Variants in PIK3CB observed in about 807,000 individuals in gnomAD.
PIK3CB encodes phosphatidylinositol 4,5-bisphosphate 3-kinase catalytic subunit beta isoform.
A neutral mutation model predicts 136.8 loss-of-function variants in PIK3CB; 39 were observed. That is an observed-to-expected ratio of 0.29 (90% CI 0.22 to 0.37). The LOEUF (loss-of-function observed/expected upper bound fraction) is 0.37. PIK3CB is among the 10% of genes least tolerant of loss of function. PIK3CB has a pLI of 1.00. For missense variants in PIK3CB, 868 were observed against 1,275.4 expected (o/e 0.68, Z 4.87); for synonymous variants, 428 against 436.6 (o/e 0.98, Z 0.25).
rs2046110982 is a variant in PIK3CB, at chr3:138,796,505, T to C, written c.-59A>G. On this transcript the variant is annotated 5_prime_UTR_variant, in exon 2 of 24. Transcript: ENST00000674063. ...CATTTCAGTCTTTTAGGAAAACAGA[T>C]GGCATTACTTATTTTTTAAAAGTGA... is the stretch of plus-strand genomic sequence containing the variant. The C allele has an allele frequency of 6.6e-6, 1 of 152,004 alleles. No individual in the cohort carries two copies. Among genetic ancestry groups the C allele is most frequent in the Non-Finnish European group, 1.5e-5 (1 of 68,012 alleles). 9.4% of individuals were successfully genotyped at this position (152,004 alleles called of 1,614,324 possible). A position where few individuals can be genotyped will look rare whatever the true frequency, so the allele number is the denominator to read the frequency against.
chr3:138,730,876 G>A (rs1478467938), intron 8 of PIK3CB, among the ~76,000 whole-genome samples: 1 of 152,092 alleles, frequency 6.6e-6, no homozygotes, highest in East Asian at 1.9e-4. Flanking sequence ...AGGTTACAGT[G>A]AGCTATGATC....
chr3:138,759,611 GA>G (rs926786659), intron 2 of PIK3CB, among the ~76,000 whole-genome samples: 5 of 151,152 alleles, frequency 3.3e-5, no homozygotes, highest in African/African-American at 1.2e-4. Context: ...CCAACTAAAG[GA>G]AAAAAATTAT....
intron 1 of PIK3CB, among the ~76,000 whole-genome samples, chr3:138,811,240 CAAAAAAAAAAA>C (rs558228212): frequency 2.0e-3 from 47 of 23,442 alleles, no homozygotes; most frequent in African/African-American, 5.5e-3. Flanking sequence ...AAGACTCTGC[CAAAAAAAAAAA>C]AAAAAAAAAA....
At chr3:138,764,478 T>C (rs1202491928) in intron 2 of PIK3CB, among the ~76,000 whole-genome samples, 2 of 151,638 alleles carry the variant, frequency 1.3e-5, no homozygotes, top group Admixed American at 6.6e-5. Context: ...TAAAATGAAT[T>C]ATGAGACAGG....
At chr3:138,828,272 G>A (rs1486897343) in intron 1 of PIK3CB, among the ~76,000 whole-genome samples, 1 of 139,482 alleles carries the variant, frequency 7.2e-6, no homozygotes, top group Non-Finnish European at 1.5e-5. Flanking sequence ...TGCAAGCTCC[G>A]CCTCCCGGGT....
intron 2 of PIK3CB, among the ~76,000 whole-genome samples, chr3:138,766,127 C>A (rs898298124): frequency 2.0e-5 from 3 of 152,128 alleles, no homozygotes; most frequent in African/African-American, 7.2e-5. Flanking sequence ...AAAGATGGCA[C>A]CCTCACTGTG....
chr3:138,729,324 TG>T (rs1425393321), intron 8 of PIK3CB, among the ~76,000 whole-genome samples: 1 of 152,076 alleles, frequency 6.6e-6, no homozygotes, highest in African/African-American at 2.4e-5. Context: ...TAATTTTATG[TG>T]TCAACTTGAT....
At chr3:138,805,753 G>C (rs2046227153) in intron 1 of PIK3CB, among the ~76,000 whole-genome samples, 1 of 151,510 alleles carries the variant, frequency 6.6e-6, no homozygotes, top group Non-Finnish European at 1.5e-5. Flanking sequence ...TGTTTTTTGA[G>C]AGAGTCTCGC....
intron 2 of PIK3CB, among the ~76,000 whole-genome samples, chr3:138,783,873 CA>C (rs931839866): frequency 6.6e-6 from 1 of 151,704 alleles, no homozygotes; most frequent in African/African-American, 2.4e-5. Flanking sequence ...AACATGAATC[CA>C]ACAAAAAAAA....
At chr3:138,778,130 C>A in intron 2 of PIK3CB, 1 of 409,774 alleles carries the variant, frequency 2.4e-6, no homozygotes, top group African/African-American at 2.1e-5. Flanking sequence ...GGCATCTTCA[C>A]TACCTTGTAG....
At chr3:138,670,117 A>G (rs2043503629) in intron 19 of PIK3CB, among the ~76,000 whole-genome samples, 1 of 152,180 alleles carries the variant, frequency 6.6e-6, no homozygotes, top group African/African-American at 2.4e-5. Flanking sequence ...GCACTCCCAC[A>G]TGTGGGTGCC....
At chr3:138,757,751 G>C (rs546880900) in intron 3 of PIK3CB, among the ~76,000 whole-genome samples, 3 of 150,746 alleles carry the variant, frequency 2.0e-5, no homozygotes, top group Non-Finnish European at 4.4e-5. Flanking sequence ...GGAGCGAGGA[G>C]AAAATAGCAT....
intron 12 of PIK3CB, among the ~76,000 whole-genome samples, chr3:138,703,531 G>A (rs1166308732): frequency 6.6e-6 from 1 of 151,184 alleles, no homozygotes; most frequent in Non-Finnish European, 1.5e-5. Flanking sequence ...AAATAAAAAA[G>A]CACAGATGGT....
intron 5 of PIK3CB, among the ~76,000 whole-genome samples, chr3:138,738,925 A>G (rs748362753): frequency 7.9e-5 from 12 of 152,200 alleles, no homozygotes; most frequent in Non-Finnish European, 1.2e-4. Context: ...TCAAACTTTT[A>G]AAAACTAAAC....
At chr3:138,817,633 C>G (rs1025824397) in intron 1 of PIK3CB, among the ~76,000 whole-genome samples, 6 of 152,058 alleles carry the variant, frequency 3.9e-5, no homozygotes, top group Admixed American at 3.9e-4. Context: ...AGAGTCAATG[C>G]AGCAACATAA....
chr3:138,718,382 T>C (rs2044656026), intron 8 of PIK3CB, among the ~76,000 whole-genome samples: 1 of 152,198 alleles, frequency 6.6e-6, no homozygotes, highest in Admixed American at 6.5e-5. Context: ...TTTTTTCTTA[T>C]AAATTTGTTT....
intron 22 of PIK3CB, 46 bp from the exon 23 acceptor site, chr3:138,656,320 G>A (rs376662220): frequency 1.9e-6 from 3 of 1,601,278 alleles, no homozygotes; most frequent in Non-Finnish European, 2.6e-6. Flanking sequence ...TTAGAGGGGA[G>A]AGAGCACATT....
chr3:138,687,747 A>C (rs1041560671), intron 16 of PIK3CB, among the ~76,000 whole-genome samples: 4 of 152,184 alleles, frequency 2.6e-5, no homozygotes, highest in Non-Finnish European at 5.9e-5. Context: ...GAGCCACTGC[A>C]TCTGGCCACA....
chr3:138,805,832 C>A (rs113348228), intron 1 of PIK3CB, among the ~76,000 whole-genome samples: 4 of 151,608 alleles, frequency 2.6e-5, no homozygotes, highest in African/African-American at 9.7e-5. Flanking sequence ...CCGGTCCAAG[C>A]GATTCTCCTG....
Sources: gnomAD v4.1 joint callset for allele counts (sites outside exome capture counted in the v4.1 genomes callset) on GRCh38, gnomAD v4.1.1 for gene constraint, MANE v1.5 for transcripts, NCBI Gene and HGNC (gene_info 2026-07-23, HGNC 2026-07-21) for gene names.